COL25A1: variants seen among roughly 807,000 people sequenced by gnomAD.
COL25A1 encodes the protein collagen alpha-1(XXV) chain.
COL25A1 carries 103 observed loss-of-function variants against 128.4 expected under a neutral mutation model. That is an observed-to-expected ratio of 0.80 (90% CI 0.68 to 0.94). COL25A1 has a LOEUF of 0.94. Among genes scored for constraint, COL25A1 ranks in the 40% least tolerant of loss-of-function variants. The probability of loss-of-function intolerance (pLI) is 0.00; values close to 1 mark genes in which losing one functional copy is unlikely to be tolerated. For missense variants in COL25A1, 745 were observed against 840.0 expected (o/e 0.89, Z 1.40); for synonymous variants, 279 against 277.2 (o/e 1.01, Z -0.06).
intron 3 of COL25A1, among the ~76,000 whole-genome samples, chr4:109,208,483 T>TAAAAAAAAA (rs199675745): frequency 1.4e-5 from 2 of 138,300 alleles, no homozygotes; most frequent in African/African-American, 5.5e-5. Context: ...TATCAGTTAA[T>TAAAAAAAAA]AAAAAAAAAA....
At chr4:109,049,381 C>T (rs1419265562) in intron 4 of COL25A1, among the ~76,000 whole-genome samples, 2 of 152,074 alleles carry the variant, frequency 1.3e-5, no homozygotes, top group East Asian at 1.9e-4. Flanking sequence ...TACAGATCAT[C>T]TCAGTTTCAA....
At chr4:109,001,288 C>T (rs1326771705) in intron 6 of COL25A1, among the ~76,000 whole-genome samples, 1 of 40,204 alleles carries the variant, frequency 2.5e-5, no homozygotes, top group African/African-American at 5.7e-5. Flanking sequence ...CCTGACTTGC[C>T]TCCCTGCAGC....
intron 8 of COL25A1, chr4:108,942,222 A>T: frequency 6.5e-7 from 1 of 1,550,328 alleles, no homozygotes; most frequent in Non-Finnish European, 8.7e-7. Flanking sequence ...GACGGTGAGG[A>T]TCTGATTACT....
At chr4:108,848,239 C>T (rs1299101761) in intron 27 of COL25A1, among the ~76,000 whole-genome samples, 8 of 152,132 alleles carry the variant, frequency 5.3e-5, no homozygotes, top group Non-Finnish European at 2.9e-5. Context: ...CAAAGCTTGC[C>T]GACTTCTGTT....
chr4:108,901,636 A>T (rs1391274835), intron 13 of COL25A1, among the ~76,000 whole-genome samples: 1 of 152,136 alleles, frequency 6.6e-6, no homozygotes, highest in Non-Finnish European at 1.5e-5. Flanking sequence ...ATCTTTGAAC[A>T]CCTACTTAAT....
intron 3 of COL25A1, among the ~76,000 whole-genome samples, chr4:109,269,270 T>G (rs1350499335): frequency 6.6e-6 from 1 of 151,830 alleles, no homozygotes; most frequent in Non-Finnish European, 1.5e-5. Flanking sequence ...ACGCATTATT[T>G]TTTATGGCTG....
chr4:109,288,154 G>T (rs1322589347), intron 3 of COL25A1, among the ~76,000 whole-genome samples: 1 of 152,130 alleles, frequency 6.6e-6, no homozygotes, highest in Non-Finnish European at 1.5e-5. Flanking sequence ...CATTCAAAAA[G>T]TTCCTTCAGT....
At chr4:109,221,874 C>T (rs1778437546) in intron 3 of COL25A1, among the ~76,000 whole-genome samples, 1 of 151,942 alleles carries the variant, frequency 6.6e-6, no homozygotes, top group Non-Finnish European at 1.5e-5. Flanking sequence ...TAAAATACCC[C>T]AATTTTCATA....
At chr4:109,052,625 C>T (rs1236468674) in intron 3 of COL25A1, among the ~76,000 whole-genome samples, 1 of 152,098 alleles carries the variant, frequency 6.6e-6, no homozygotes, top group Non-Finnish European at 1.5e-5. Context: ...ATACAAAACT[C>T]TCAGAAAAGC....
chr4:109,218,357 G>GTTTTTTTTTTTTTTTTTTTTTTTTTTTTT (rs34056401), intron 3 of COL25A1, among the ~76,000 whole-genome samples: 2 of 73,530 alleles, frequency 2.7e-5, no homozygotes, highest in Non-Finnish European at 4.7e-5. Context: ...GTTTTTTGGG[G>GTTTTTTTTTTTTTTTTTTTTTTTTTTTTT]TTTTTTTTTT....
intron 5 of COL25A1, among the ~76,000 whole-genome samples, chr4:109,023,985 C>T (rs1357921807): frequency 1.3e-5 from 2 of 152,164 alleles, no homozygotes; most frequent in Non-Finnish European, 2.9e-5. Flanking sequence ...TCAGGCCTAG[C>T]GGGCATTCTT....
At chr4:109,004,989 T>A (rs1755824259) in intron 6 of COL25A1, among the ~76,000 whole-genome samples, 1 of 152,196 alleles carries the variant, frequency 6.6e-6, no homozygotes, top group African/African-American at 2.4e-5. Context: ...TAATAAACTT[T>A]AAAGGATGCC....
intron 31 of COL25A1, among the ~76,000 whole-genome samples, chr4:108,836,555 C>G (rs938361551): frequency 6.6e-6 from 1 of 151,952 alleles, no homozygotes; most frequent in South Asian, 2.1e-4. Flanking sequence ...AAAAATAAAG[C>G]GCTTGAGCCC....
intron 3 of COL25A1, among the ~76,000 whole-genome samples, chr4:109,236,098 C>T (rs2126225620): frequency 6.6e-6 from 1 of 151,254 alleles, no homozygotes; most frequent in African/African-American, 2.4e-5. Context: ...AAGTTATATC[C>T]CATTGTAAAA....
intron 3 of COL25A1, among the ~76,000 whole-genome samples, chr4:109,073,227 G>A (rs986404497): frequency 6.6e-6 from 1 of 152,084 alleles, no homozygotes; most frequent in African/African-American, 2.4e-5. Context: ...CAAGACCTTG[G>A]CCTCTTACCT....
chr4:109,272,217 C>G (rs1782247686), intron 3 of COL25A1, among the ~76,000 whole-genome samples: 1 of 152,126 alleles, frequency 6.6e-6, no homozygotes, highest in African/African-American at 2.4e-5. Context: ...CTGGGCAACA[C>G]AGTGAGACCC....
intron 3 of COL25A1, among the ~76,000 whole-genome samples, chr4:109,150,022 GTGTGTA>G (rs907042608): frequency 2.6e-5 from 4 of 150,972 alleles, no homozygotes; most frequent in African/African-American, 9.7e-5. Flanking sequence ...GTATGTATCT[GTGTGTA>G]TGTGTATGTA....
At chr4:108,837,963 C>CTCTGG (rs1463108370) in intron 31 of COL25A1, 1 of 698,682 alleles carries the variant, frequency 1.4e-6, no homozygotes, top group Non-Finnish European at 2.5e-6. Context: ...CTGGGCTGAG[C>CTCTGG]TCTGCTCTAA....
intron 5 of COL25A1, among the ~76,000 whole-genome samples, chr4:109,047,478 AAAAGGTGTG>A (rs907455339): frequency 5.3e-5 from 8 of 151,974 alleles, no homozygotes; most frequent in Non-Finnish European, 1.2e-4. Context: ...GACTCGGGGG[AAAAGGTGTG>A]AAGGGGGTGA....
Sources: allele counts gnomAD v4.1 joint callset (sites outside exome capture counted in the v4.1 genomes callset), GRCh38; gene constraint gnomAD v4.1.1; transcripts MANE v1.5; gene names NCBI Gene and HGNC (gene_info 2026-07-23, HGNC 2026-07-21).